Variants in CFAP20DC observed in about 807,000 individuals in gnomAD.
The protein encoded by CFAP20DC is protein CFAP20DC.
A neutral mutation model predicts 101.7 loss-of-function variants in CFAP20DC; 84 were observed. The observed-to-expected ratio is 0.83, with a 90% CI of 0.69 to 0.99. The LOEUF (loss-of-function observed/expected upper bound fraction) is 0.99, where lower values mean the gene tolerates loss of function less well. Ranked by LOEUF, CFAP20DC falls within the 50% of genes least tolerant of loss-of-function variation. The probability of loss-of-function intolerance (pLI) is 0.00; values close to 1 mark genes in which losing one functional copy is unlikely to be tolerated. For missense variants in CFAP20DC, 1,007 were observed against 970.3 expected (o/e 1.04, Z -0.50); for synonymous variants, 359 against 351.2 (o/e 1.02, Z -0.25).
chr3:58,852,311 C>G (rs576303170), intron 12 of CFAP20DC, among the ~76,000 whole-genome samples: 15 of 152,078 alleles, frequency 9.9e-5, no homozygotes, highest in African/African-American at 3.6e-4. Flanking sequence ...TATATGCAAC[C>G]AATACAGGAG....
In CFAP20DC at chr3:58,765,155, C is replaced by T. The variant is rs9838179; in HGVS notation, c.2238-11292G>A. ...CTGAAGACAATGTCCTCAGTTAAGA[C>T]AGACTATGGCTTCAGTTCCTTTGTC... On this transcript the variant is annotated intron_variant, in intron 15 of 16. Transcript: ENST00000482387. 9.9e-3 allele frequency among the ~76,000 whole-genome samples: 1,504 copies of T among 152,178 alleles called. 24 individuals are homozygous for T. Among genetic ancestry groups the T allele is most frequent in the African/African-American group, 0.035 (1,453 of 41,514 alleles).
At chr3:58,846,661 C>T (rs1282711064) in intron 13 of CFAP20DC, among the ~76,000 whole-genome samples, 1 of 151,590 alleles carries the variant, frequency 6.6e-6, no homozygotes, top group Non-Finnish European at 1.5e-5. Context: ...TTGGAAAAAA[C>T]CACTTTAAAG....
chr3:58,828,575 C>A (rs1022037342), intron 14 of CFAP20DC, among the ~76,000 whole-genome samples: 3 of 152,180 alleles, frequency 2.0e-5, no homozygotes, highest in African/African-American at 4.8e-5. Flanking sequence ...CATGTTCTCA[C>A]TTATAAGCAG....
At chr3:58,739,080 A>G (rs2067822792), downstream of CFAP20DC, among the ~76,000 whole-genome samples, 1 of 151,752 alleles carries the variant, frequency 6.6e-6, no homozygotes, top group African/African-American at 2.4e-5. Flanking sequence ...AAATCAAGAA[A>G]ATATAATAGG....
Position 58,861,395 on chromosome 3 carries a change from G to T in CFAP20DC, c.1593+2163C>A. On this transcript the variant is annotated intron_variant, in intron 12 of 16. Coordinates refer to ENST00000482387, the MANE Select transcript of CFAP20DC (RefSeq NM_001394063.1). The surrounding 1 kb of genome is among the most constrained non-coding windows in gnomAD (Gnocchi z 4.0). ...CTAAAATAATGCAATTAATAGTAAGGATGCCTTAATTAACTAAACTGATTT... is the reference window on the plus strand; with the variant it reads ...CTAAAATAATGCAATTAATAGTAAGTATGCCTTAATTAACTAAACTGATTT... 1.3e-6 allele frequency: 1 copy of T among 774,370 alleles called. No individual in the cohort carries two copies. The highest frequency in any genetic ancestry group is 1.6e-6 in the Non-Finnish European group (1 of 637,812). 48.0% of individuals were successfully genotyped at this position (774,370 alleles called of 1,614,324 possible).
Position 58,866,628 on chromosome 3 carries a change from G to A in CFAP20DC, c.1196C>T (p.Ser399Phe). ...GTTCAACAGCTCTGCTCCTTGTTGG[G>A]ACACAGTGGTGAGGATAGTTGATGC... ...DKASTILTTV[S>F]QQGAELLNSG... Residue 399 changes from serine to phenylalanine, a missense_variant, in exon 11 of 17, where the codon TCC becomes TTC. Ser to Phe is a radical substitution (Grantham distance 155). Transcript: ENST00000482387. 6.2e-7 allele frequency: 1 copy of A among 1,608,614 alleles called. No individual in the cohort carries two copies. Among genetic ancestry groups the A allele is most frequent in the Non-Finnish European group, 8.5e-7 (1 of 1,175,092 alleles).
intron 15 of CFAP20DC, among the ~76,000 whole-genome samples, chr3:58,772,941 G>A (rs2070986596): frequency 6.6e-6 from 1 of 152,018 alleles, no homozygotes; most frequent in Non-Finnish European, 1.5e-5. Flanking sequence ...CAGTAGAAAT[G>A]TAGGGTTGGG....
intron 6 of CFAP20DC, among the ~76,000 whole-genome samples, chr3:58,907,149 T>G (rs1266417623): frequency 1.3e-5 from 2 of 152,058 alleles, no homozygotes; most frequent in Non-Finnish European, 2.9e-5. Context: ...AAATGTCCTT[T>G]CATTTAATGA....
rs559320340 is a variant in CFAP20DC at position 58,788,930 on chromosome 3, T to C, written c.2237+17465A>G. Among the ~76,000 whole-genome samples, 155 of 152,194 alleles carry C rather than the reference T, an allele frequency of 1.0e-3. No homozygotes were observed. The Middle Eastern group carries it at 0.01, about 10-fold the overall frequency. ...AAGTTGGCCATGCAGAACCCACATA[T>C]ATGAAAAATGGGTTGGAAAAAATCT... On this transcript the variant is annotated intron_variant, in intron 15 of 16. Transcript: ENST00000482387. This position sits in a 1 kb window ranked among gnomAD's most constrained non-coding sequence, Gnocchi z 4.2.
At chr3:58,973,334 A>G (rs2092065476) in intron 4 of CFAP20DC, among the ~76,000 whole-genome samples, 1 of 152,134 alleles carries the variant, frequency 6.6e-6, no homozygotes, top group South Asian at 2.1e-4. Context: ...GTCATGCTTG[A>G]CTCACATTTC....
At chr3:58,937,126 C>G (rs1279951877) in intron 5 of CFAP20DC, among the ~76,000 whole-genome samples, 7 of 152,146 alleles carry the variant, frequency 4.6e-5, no homozygotes. Context: ...CTTAAAATGT[C>G]TGAACCCATA....
At chr3:58,936,743 G>T (rs1026172249) in intron 5 of CFAP20DC, among the ~76,000 whole-genome samples, 1 of 152,110 alleles carries the variant, frequency 6.6e-6, no homozygotes, top group African/African-American at 2.4e-5. Flanking sequence ...ATGGACACAG[G>T]AAGGGGAACA....
rs543067311 is a variant in CFAP20DC, at chr3:58,764,502, G to A, written c.2238-10639C>T. ...CGCTTCCCAGGTGAGGCGATGCCTCGCCCTGCTTCAGCTCACGGTCGGTGT... is the reference window on the plus strand; with the variant it reads ...CGCTTCCCAGGTGAGGCGATGCCTCACCCTGCTTCAGCTCACGGTCGGTGT... On this transcript the variant is annotated intron_variant, in intron 15 of 16. Transcript: ENST00000482387. Among the ~76,000 whole-genome samples the A allele has an allele frequency of 1.2e-4, 18 of 152,228 alleles. No homozygotes were observed. In the South Asian group the frequency reaches 2.5e-3, roughly 21 times the overall value.
chr3:58,750,469 A>G (rs2068491943), intron 16 of CFAP20DC, among the ~76,000 whole-genome samples: 1 of 152,204 alleles, frequency 6.6e-6, no homozygotes, highest in South Asian at 2.1e-4. Flanking sequence ...CCCGGAACAC[A>G]GGAAGATTAA....
intron 4 of CFAP20DC, among the ~76,000 whole-genome samples, chr3:58,969,350 G>A (rs1302187631): frequency 6.6e-6 from 1 of 152,188 alleles, no homozygotes; most frequent in African/African-American, 2.4e-5. Flanking sequence ...ATGTCTTGAT[G>A]AGGATGTGGA....
chr3:58,996,302 T>G (rs955640457), intron 4 of CFAP20DC, among the ~76,000 whole-genome samples: 3 of 152,216 alleles, frequency 2.0e-5, no homozygotes, highest in African/African-American at 7.2e-5. Context: ...ATCACCTCTG[T>G]GTCTTCCTGA....
chr3:58,877,760 A>G (rs1325886407), intron 7 of CFAP20DC, among the ~76,000 whole-genome samples: 3 of 152,218 alleles, frequency 2.0e-5, no homozygotes, highest in Non-Finnish European at 2.9e-5. Flanking sequence ...CTACTTAACT[A>G]AAAATTTTTG....
At position 58,892,241 on chromosome 3, in the gene CFAP20DC, T is replaced by C. The variant is rs1270331250; in HGVS notation, c.551-7532A>G. On this transcript the variant is annotated intron_variant, in intron 6 of 16. Coordinates refer to ENST00000482387, the MANE Select transcript of CFAP20DC (RefSeq NM_001394063.1). This position sits in a 1 kb window ranked among gnomAD's most constrained non-coding sequence, Gnocchi z 4.0. Reference sequence around the variant, plus strand: ...TGCTCTTTTGGTTACTGTAGACTTGTAGTATACATTGAAGTTGGATAGCAT... The same window carrying C: ...TGCTCTTTTGGTTACTGTAGACTTGCAGTATACATTGAAGTTGGATAGCAT... Among the ~76,000 whole-genome samples, 2 of 152,238 alleles carry C rather than the reference T, an allele frequency of 1.3e-5. No homozygotes were observed. The highest frequency in any genetic ancestry group is 2.1e-4 in the South Asian group (1 of 4,830).
At chr3:58,757,500 T>C (rs1041829751) in intron 15 of CFAP20DC, among the ~76,000 whole-genome samples, 6 of 152,120 alleles carry the variant, frequency 3.9e-5, no homozygotes, top group Admixed American at 3.3e-4. Flanking sequence ...TGGTGGTTTT[T>C]CTTTGTGCCA....
Sources: allele counts gnomAD v4.1 joint callset (sites outside exome capture counted in the v4.1 genomes callset), GRCh38; gene constraint gnomAD v4.1.1; non-coding constraint Gnocchi (gnomAD v3.1); transcripts MANE v1.5; gene names NCBI Gene and HGNC (gene_info 2026-07-23, HGNC 2026-07-21).